Variants in RTN3 observed in about 807,000 individuals in gnomAD.
RTN3 encodes reticulon 3.
In RTN3, 49 loss-of-function variants were observed where a neutral mutation model predicts 77.8. The observed-to-expected ratio is 0.63, with a 90% CI of 0.50 to 0.80. The LOEUF (loss-of-function observed/expected upper bound fraction) is 0.80. Ranked by LOEUF, RTN3 falls within the 30% of genes least tolerant of loss-of-function variation. The pLI, the probability that RTN3 is intolerant of heterozygous loss-of-function variation, is 0.00. For synonymous variants in RTN3, 464 were observed against 446.9 expected (o/e 1.04, Z -0.48); for missense variants, 1,236 against 1,211.9 (o/e 1.02, Z -0.29).
chr11:63,709,849 G>C (rs1303236068), intron 2 of RTN3, among the ~76,000 whole-genome samples: 1 of 152,138 alleles, frequency 6.6e-6, no homozygotes, highest in Non-Finnish European at 1.5e-5. Context: ...GCTACTACAG[G>C]CTGGCACCCA....
rs528655940 is a variant in RTN3 at position 63,712,959 on chromosome 11, G to C, written c.200-5743G>C. ...AAAAATACAAAATTAGCTAGGCCTG[G>C]TGGCGCATGCCTGTAATCCCAGCTA... On this transcript the variant is annotated intron_variant, in intron 2 of 8. Transcript: ENST00000377819. 3.3e-5 allele frequency among the ~76,000 whole-genome samples: 5 copies of C among 152,178 alleles called. No individual in the cohort carries two copies. The East Asian group carries it at 7.8e-4, about 24-fold the overall frequency.
At chr11:63,689,763 GA>G (rs764347377) in intron 1 of RTN3, among the ~76,000 whole-genome samples, 96 of 150,954 alleles carry the variant, frequency 6.4e-4, no homozygotes, top group Middle Eastern at 3.4e-3. Flanking sequence ...TTATTTCAAA[GA>G]ACTATTTTTT....
At chr11:63,726,449 GA>G (rs2012268884) in intron 3 of RTN3, among the ~76,000 whole-genome samples, 1 of 152,196 alleles carries the variant, frequency 6.6e-6, no homozygotes, top group Non-Finnish European at 1.5e-5. Context: ...TCTTGGAAGG[GA>G]GAGATCCAGA....
At chr11:63,750,455 C>CTT (rs200090732) in intron 4 of RTN3, 1,310 of 294,514 alleles carry the variant, frequency 4.4e-3, no homozygotes, top group South Asian at 8.3e-3. Context: ...ACTCTAAATT[C>CTT]TTTTTTTTTT....
At chr11:63,704,693 G>A (rs922490550) in intron 1 of RTN3, among the ~76,000 whole-genome samples, 158 bp from the exon 2 acceptor site, 1 of 152,028 alleles carries the variant, frequency 6.6e-6, no homozygotes, top group Non-Finnish European at 1.5e-5. Flanking sequence ...GCTACCAGGT[G>A]AGTGAAAACA....
chr11:63,713,044 A>G (rs1011273194), intron 2 of RTN3, among the ~76,000 whole-genome samples: 2 of 152,090 alleles, frequency 1.3e-5, no homozygotes, highest in African/African-American at 4.8e-5. Context: ...GCGGTGAGCC[A>G]AGGTCACACC....
chr11:63,693,439 G>A (rs560524506), intron 1 of RTN3, among the ~76,000 whole-genome samples: 74 of 151,970 alleles, frequency 4.9e-4, no homozygotes, highest in African/African-American at 1.6e-3. Context: ...AGCCGAGATC[G>A]CACCATTGTA....
At chr11:63,751,134 G>T (rs761470696) in intron 4 of RTN3, among the ~76,000 whole-genome samples, 2 of 152,182 alleles carry the variant, frequency 1.3e-5, no homozygotes, top group Non-Finnish European at 2.9e-5. Flanking sequence ...CCCAAATCAT[G>T]CATGGGATTA....
intron 2 of RTN3, among the ~76,000 whole-genome samples, chr11:63,707,286 C>T (rs1011562264): frequency 1.3e-5 from 2 of 151,974 alleles, no homozygotes; most frequent in East Asian, 1.9e-4. Flanking sequence ...TAATGTATAA[C>T]GTTGAAAAGA....
rs764214269 is a variant in RTN3 at position 63,740,287 on chromosome 11, C to CT, written c.2531-9692dup. Among the ~76,000 whole-genome samples the CT allele has an allele frequency of 7.2e-3, 1,042 of 143,900 alleles. 5 individuals carry two copies. Among genetic ancestry groups the CT allele is most frequent in the South Asian group, 0.013 (59 of 4,552 alleles). 94.4% of individuals were successfully genotyped at this position (143,900 alleles called of 152,430 possible). On this transcript the variant is annotated intron_variant, in intron 3 of 8. Transcript: ENST00000377819. ...CCTTCTAACCTCCCCATCTTAGTTT[C>CT]TTTTTTTTTTTTGAGACGGAGTCTC...
At chr11:63,752,726 G>T in intron 5 of RTN3, 81 bp downstream of exon 5, 1 of 1,445,630 alleles carries the variant, frequency 6.9e-7, no homozygotes. Flanking sequence ...ACAGTACATA[G>T]GATTTTATCA....
At chr11:63,685,495 C>CAAAAAAAAAAAAA (rs55888863) in intron 1 of RTN3, among the ~76,000 whole-genome samples, 8,969 of 114,058 alleles carry the variant, frequency 0.079, 588 homozygotes, top group Non-Finnish European at 0.11. Context: ...GACTCCATCT[C>CAAAAAAAAAAAAA]AAAAAAAAAA....
chr11:63,689,662 C>A (rs1386604793), intron 1 of RTN3, among the ~76,000 whole-genome samples: 1 of 150,962 alleles, frequency 6.6e-6, no homozygotes, highest in Non-Finnish European at 1.5e-5. Context: ...GATTTATTAT[C>A]TCCTATAACC....
intron 2 of RTN3, among the ~76,000 whole-genome samples, chr11:63,705,956 A>G (rs1326901377): frequency 6.6e-6 from 1 of 152,260 alleles, no homozygotes; most frequent in Non-Finnish European, 1.5e-5. Context: ...ATATATGTCA[A>G]TTGAGAACCT....
chr11:63,704,957 A>G (rs1015339077), intron 2 of RTN3, 50 bp downstream of exon 2: 4 of 1,386,494 alleles, frequency 2.9e-6, no homozygotes, highest in Non-Finnish European at 4.1e-6. Context: ...AATGTTGAGA[A>G]AGAGGCTGTA....
At chr11:63,709,639 G>A (rs1427059699) in intron 2 of RTN3, among the ~76,000 whole-genome samples, 2 of 151,796 alleles carry the variant, frequency 1.3e-5, no homozygotes, top group Non-Finnish European at 2.9e-5. Context: ...TTTTGTTTAG[G>A]ATCTAGCTTG....
At chr11:63,691,514 C>G (rs1941657574) in intron 1 of RTN3, among the ~76,000 whole-genome samples, 1 of 152,190 alleles carries the variant, frequency 6.6e-6, no homozygotes, top group Admixed American at 6.5e-5. Flanking sequence ...GCCTTAGCCT[C>G]TCAAAGTGCT....
At chr11:63,726,926 A>C (rs928456999) in intron 3 of RTN3, among the ~76,000 whole-genome samples, 1 of 149,976 alleles carries the variant, frequency 6.7e-6, no homozygotes, top group Non-Finnish European at 1.5e-5. Flanking sequence ...ACAGTGGCTC[A>C]TGCCTGTAAT....
intron 2 of RTN3, among the ~76,000 whole-genome samples, chr11:63,718,025 A>AT (rs2011503759): frequency 6.6e-6 from 1 of 151,824 alleles, no homozygotes. Flanking sequence ...CAAAAAAAAA[A>AT]AAAAAAGATT....
Sources: allele counts gnomAD v4.1 joint callset (sites outside exome capture counted in the v4.1 genomes callset), GRCh38; gene constraint gnomAD v4.1.1; transcripts MANE v1.5; gene names NCBI Gene and HGNC (gene_info 2026-07-23, HGNC 2026-07-21).